The following HDAC9 variants were observed in gnomAD, a reference collection of about 807,000 sequenced individuals.
The protein encoded by HDAC9 is MEF-2 interacting transcription repressor (MITR) protein.
Under a neutral mutation model 139.4 loss-of-function variants are expected in HDAC9, and 41 were observed. The observed-to-expected ratio is 0.29, with a 90% CI of 0.23 to 0.38. HDAC9 has a LOEUF of 0.38. Among genes scored for constraint, HDAC9 ranks in the 10% least tolerant of loss-of-function variants. The pLI, the probability that HDAC9 is intolerant of heterozygous loss-of-function variation, is 1.00. For synonymous variants in HDAC9, 517 were observed against 476.2 expected, an observed-to-expected ratio of 1.09 and a Z score of -1.12; for missense variants, 1,147 against 1,297.0, an observed-to-expected ratio of 0.88 and a Z score of 1.78.
chr7:18,447,966 T>C (rs191801925), intron 1 of HDAC9, among the ~76,000 whole-genome samples: 1 of 152,236 alleles, frequency 6.6e-6, no homozygotes, highest in African/African-American at 2.4e-5. Context: ...TTAGCTTCCC[T>C]AATAGCTGGG....
At chr7:18,992,456 A>G (rs1786061184) in intron 25 of HDAC9, among the ~76,000 whole-genome samples, 1 of 152,228 alleles carries the variant, frequency 6.6e-6, no homozygotes, top group Non-Finnish European at 1.5e-5. Flanking sequence ...ACAATAATAC[A>G]CAGCTTTAAA....
intron 2 of HDAC9, among the ~76,000 whole-genome samples, chr7:18,199,097 G>T (rs1216673568): frequency 6.6e-6 from 1 of 151,998 alleles, no homozygotes; most frequent in Admixed American, 6.6e-5. Flanking sequence ...TTGTTTGTTT[G>T]TTTGTTTGTT....
At chr7:18,718,504 A>G (rs1784884236) in intron 12 of HDAC9, among the ~76,000 whole-genome samples, 1 of 152,070 alleles carries the variant, frequency 6.6e-6, no homozygotes, top group Non-Finnish European at 1.5e-5. Context: ...AAGTGTTAGG[A>G]TTACAGGTGT....
At chr7:18,747,141 A>G (rs1584964550) in intron 13 of HDAC9, among the ~76,000 whole-genome samples, 1 of 152,134 alleles carries the variant, frequency 6.6e-6, no homozygotes, top group African/African-American at 2.4e-5. Flanking sequence ...CGAAATAGAG[A>G]ACAAAAGAGG....
At chr7:18,430,263 GC>G (rs1249317688) in intron 1 of HDAC9, among the ~76,000 whole-genome samples, 2 of 152,094 alleles carry the variant, frequency 1.3e-5, no homozygotes, top group Non-Finnish European at 2.9e-5. Context: ...TTGCTCTATT[GC>G]CCAGGCTGGA....
rs374354063 is a variant in HDAC9 at position 18,363,338 on chromosome 7, A to G, written c.-42+72823A>G. Among the ~76,000 whole-genome samples the G allele has an allele frequency of 4.6e-5, 7 of 152,114 alleles. No individual in the cohort carries two copies. In the East Asian group the frequency reaches 9.6e-4, roughly 21 times the overall value. ...TAAAGCTGATTGTGAGGATTAATGG[A>G]CAGGGATTCTATCCAGTAATTGTGG... On this transcript the variant is annotated intron_variant, in intron 1 of 3. Coordinates refer to the HDAC9 transcript ENST00000413509.
At chr7:18,227,365 T>C (rs1364926025) in intron 2 of HDAC9, among the ~76,000 whole-genome samples, 1 of 152,168 alleles carries the variant, frequency 6.6e-6, no homozygotes. Flanking sequence ...ACTGTTGATA[T>C]GTGGTAAGTG....
intron 2 of HDAC9, among the ~76,000 whole-genome samples, chr7:18,194,586 C>T (rs1029591109): frequency 2.0e-5 from 3 of 152,184 alleles, no homozygotes; most frequent in African/African-American, 7.2e-5. Flanking sequence ...GATGCTAACC[C>T]CTTTTTTCCC....
intron 24 of HDAC9, among the ~76,000 whole-genome samples, chr7:18,960,942 C>T (rs1783489031): frequency 6.6e-6 from 1 of 152,148 alleles, no homozygotes; most frequent in African/African-American, 2.4e-5. Flanking sequence ...ATGTACACAA[C>T]TAAAAGCGTT....
chr7:18,484,381 C>A (rs1795814994), intron 1 of HDAC9, among the ~76,000 whole-genome samples: 1 of 151,580 alleles, frequency 6.6e-6, no homozygotes, highest in Non-Finnish European at 1.5e-5. Flanking sequence ...CAAAGGTAGC[C>A]CCATTATCAT....
At chr7:18,372,359 A>G (rs1436101252) in intron 1 of HDAC9, among the ~76,000 whole-genome samples, 1 of 152,214 alleles carries the variant, frequency 6.6e-6, no homozygotes, top group African/African-American at 2.4e-5. Context: ...CTGATCTACC[A>G]AGAGCTTCTC....
intron 6 of HDAC9, among the ~76,000 whole-genome samples, chr7:18,595,998 C>T (rs1268232345): frequency 6.6e-6 from 1 of 151,754 alleles, no homozygotes; most frequent in Non-Finnish European, 1.5e-5. Context: ...TGTTACAAAC[C>T]CTATTTAGAT....
At chr7:18,608,499 TATTC>T (rs1836167461) in intron 6 of HDAC9, among the ~76,000 whole-genome samples, 1 of 152,184 alleles carries the variant, frequency 6.6e-6, no homozygotes, top group South Asian at 2.1e-4. Context: ...ATTTCCCACT[TATTC>T]ATATACAAGA....
intron 2 of HDAC9, among the ~76,000 whole-genome samples, chr7:18,190,454 A>G (rs1018636189): frequency 6.6e-6 from 1 of 152,228 alleles, no homozygotes; most frequent in Non-Finnish European, 1.5e-5. Flanking sequence ...CAAAATTTAT[A>G]CAGATGTTTC....
chr7:18,588,432 A>C (rs760580343), intron 3 of HDAC9, among the ~76,000 whole-genome samples: 4 of 152,024 alleles, frequency 2.6e-5, no homozygotes, highest in Non-Finnish European at 5.9e-5. Context: ...TGGAGATGGG[A>C]CTCAAGTCAA....
intron 2 of HDAC9, among the ~76,000 whole-genome samples, chr7:18,284,440 C>A (rs1295110267): frequency 1.3e-5 from 2 of 152,068 alleles, no homozygotes; most frequent in African/African-American, 4.8e-5. Flanking sequence ...TGTGCTTTTA[C>A]CCAATTTTCC....
At chr7:18,139,474 A>T (rs1030688277) in intron 1 of HDAC9, among the ~76,000 whole-genome samples, 1 of 152,132 alleles carries the variant, frequency 6.6e-6, no homozygotes, top group African/African-American at 2.4e-5. Context: ...CCAAGTAATT[A>T]TGATGCTTTA....
At chr7:18,583,762 A>G (rs1429378167) in intron 2 of HDAC9, among the ~76,000 whole-genome samples, 1 of 152,068 alleles carries the variant, frequency 6.6e-6, no homozygotes, top group African/African-American at 2.4e-5. Flanking sequence ...CAGCCTAAAA[A>G]ATCTTTCAGT....
intron 1 of HDAC9, among the ~76,000 whole-genome samples, chr7:18,488,053 CT>C (rs546164263): frequency 5.9e-5 from 9 of 151,942 alleles, no homozygotes; most frequent in Non-Finnish European, 1.2e-4. Context: ...ATAAAATAAA[CT>C]TTTGATTCAT....
Sources: allele counts gnomAD v4.1 joint callset (sites outside exome capture counted in the v4.1 genomes callset), GRCh38; gene constraint gnomAD v4.1.1; transcripts MANE v1.5; gene names NCBI Gene and HGNC (gene_info 2026-07-23, HGNC 2026-07-21).